The following CSGALNACT1 variants were observed in gnomAD, a reference collection of about 807,000 sequenced individuals.
The protein encoded by CSGALNACT1 is chondroitin sulfate N-acetylgalactosaminyltransferase 1.
CSGALNACT1 carries 52 observed loss-of-function variants against 51.0 expected under a neutral mutation model. The observed-to-expected ratio is 1.02, with a 90% CI of 0.82 to 1.29. CSGALNACT1 has a LOEUF of 1.29. CSGALNACT1 is among the 50% of genes most tolerant of loss of function. The pLI, the probability that CSGALNACT1 is intolerant of heterozygous loss-of-function variation, is 0.00. For missense variants in CSGALNACT1, 935 were observed against 679.2 expected (o/e 1.38, Z -4.19); for synonymous variants, 341 against 254.4 (o/e 1.34, Z -3.24).
chr8:19,483,139 G>T (rs1295233769), intron 4 of CSGALNACT1, among the ~76,000 whole-genome samples: 1 of 152,186 alleles, frequency 6.6e-6, no homozygotes, highest in Non-Finnish European at 1.5e-5. Context: ...TACCACAAAT[G>T]AAGCTGGTAA....
At chr8:19,507,533 A>G (rs960714530) in intron 3 of CSGALNACT1, among the ~76,000 whole-genome samples, 7 of 134,464 alleles carry the variant, frequency 5.2e-5, no homozygotes, top group Admixed American at 1.4e-4. Flanking sequence ...AGCCAGAAAA[A>G]AAAAAAAAAA....
intron 1 of CSGALNACT1, among the ~76,000 whole-genome samples, chr8:19,641,126 G>A (rs2056688683): frequency 1.6e-5 from 2 of 126,018 alleles, no homozygotes; most frequent in Admixed American, 8.5e-5. Flanking sequence ...ATGGTGACTG[G>A]TCTTTTTTTT....
At chr8:19,703,580 G>A (rs995066105) in intron 1 of CSGALNACT1, among the ~76,000 whole-genome samples, 1 of 152,176 alleles carries the variant, frequency 6.6e-6, no homozygotes, top group Non-Finnish European at 1.5e-5. Context: ...TGGGATTACC[G>A]GTGGGTGTGA....
At chr8:19,735,690 T>C (rs1198424761) in intron 1 of CSGALNACT1, among the ~76,000 whole-genome samples, 1 of 152,190 alleles carries the variant, frequency 6.6e-6, no homozygotes, top group East Asian at 1.9e-4. Flanking sequence ...ACAGAAGATC[T>C]GACCCTTATT....
At chr8:19,517,511 G>A (rs1436520997) in intron 3 of CSGALNACT1, among the ~76,000 whole-genome samples, 1 of 152,146 alleles carries the variant, frequency 6.6e-6, no homozygotes, top group African/African-American at 2.4e-5. Flanking sequence ...AGGCTCTCCT[G>A]CAAAACACTG....
upstream of CSGALNACT1, among the ~76,000 whole-genome samples, chr8:19,604,785 G>C (rs1014076967): frequency 6.6e-6 from 1 of 151,348 alleles, no homozygotes; most frequent in African/African-American, 2.4e-5. Flanking sequence ...CACGATGGCA[G>C]GTGCCTGTAG....
intron 1 of CSGALNACT1, among the ~76,000 whole-genome samples, chr8:19,655,959 G>A (rs1189186446): frequency 6.6e-6 from 1 of 152,086 alleles, no homozygotes; most frequent in Non-Finnish European, 1.5e-5. Flanking sequence ...AGAATTGGGG[G>A]ATTCACGGGT....
At chr8:19,652,827 G>A (rs761172658) in intron 1 of CSGALNACT1, among the ~76,000 whole-genome samples, 22 of 152,046 alleles carry the variant, frequency 1.4e-4, no homozygotes, top group Admixed American at 7.2e-4. Context: ...CCGCAGCAAC[G>A]GAAACTACTG....
intron 2 of CSGALNACT1, among the ~76,000 whole-genome samples, chr8:19,599,850 G>A (rs190922155): frequency 1.3e-5 from 2 of 152,296 alleles, no homozygotes; most frequent in East Asian, 1.9e-4. Flanking sequence ...ACATTGAGAA[G>A]ACAGCAAATG....
chr8:19,545,059 A>G (rs2086149706), intron 3 of CSGALNACT1, among the ~76,000 whole-genome samples: 1 of 152,040 alleles, frequency 6.6e-6, no homozygotes, highest in Admixed American at 6.6e-5. Flanking sequence ...ACGACGACAC[A>G]GCGACTCCTG....
intron 1 of CSGALNACT1, among the ~76,000 whole-genome samples, chr8:19,650,710 A>C (rs1245461822): frequency 6.6e-6 from 1 of 152,210 alleles, no homozygotes; most frequent in Non-Finnish European, 1.5e-5. Flanking sequence ...ACGCTTAAGC[A>C]CTGAGGAAAT....
chr8:19,415,244 TCTC>T (rs1204869002), intron 8 of CSGALNACT1, among the ~76,000 whole-genome samples: 1 of 152,142 alleles, frequency 6.6e-6, no homozygotes, highest in Non-Finnish European at 1.5e-5. Flanking sequence ...TCTTCTGACT[TCTC>T]CTCTCGCACC....
intron 1 of CSGALNACT1, among the ~76,000 whole-genome samples, chr8:19,660,546 G>A (rs1333445282): frequency 1.3e-5 from 2 of 152,100 alleles, no homozygotes; most frequent in Non-Finnish European, 2.9e-5. Context: ...GGTGATTTGG[G>A]GGTAACTGTA....
intron 3 of CSGALNACT1, among the ~76,000 whole-genome samples, chr8:19,525,087 A>G (rs966579552): frequency 1.4e-4 from 22 of 152,210 alleles, no homozygotes; most frequent in Non-Finnish European, 2.9e-4. Context: ...GCAATTCAGA[A>G]AAGCAAGCAT....
At chr8:19,545,392 T>C (rs1214975235) in intron 3 of CSGALNACT1, among the ~76,000 whole-genome samples, 1 of 152,104 alleles carries the variant, frequency 6.6e-6, no homozygotes, top group Admixed American at 6.6e-5. Flanking sequence ...ATGGGGAAAA[T>C]TTTCCTGCAG....
chr8:19,493,871 T>TACACACACACAC (rs57708862), intron 4 of CSGALNACT1, among the ~76,000 whole-genome samples: 1 of 149,002 alleles, frequency 6.7e-6, no homozygotes, highest in African/African-American at 2.5e-5. Context: ...TGTGTGTTTA[T>TACACACACACAC]ACACACACAC....
At chr8:19,443,570 G>C (rs1412581455) in intron 5 of CSGALNACT1, among the ~76,000 whole-genome samples, 1 of 152,176 alleles carries the variant, frequency 6.6e-6, no homozygotes, top group Non-Finnish European at 1.5e-5. Flanking sequence ...GAGAGCTTGT[G>C]CAGGGGGATT....
Position 19,653,797 on chromosome 8 carries a change from TA to T in CSGALNACT1, c.-544+28675del, listed in dbSNP as rs111466105. Among the ~76,000 whole-genome samples the T allele has an allele frequency of 7.1e-3, 1,051 of 147,676 alleles. 9 individuals are homozygous for T. The highest frequency in any genetic ancestry group is 0.021 in the African/African-American group (835 of 40,140). On this transcript the variant is annotated intron_variant, in intron 1 of 9. Coordinates refer to the CSGALNACT1 transcript ENST00000332246. Reference sequence around the variant, plus strand: ...TGGGTGAATGAATGATACCTTGTCTTAAAAAAAAAAAAAATCTTCAGCTGTA... The same window carrying T: ...TGGGTGAATGAATGATACCTTGTCTTAAAAAAAAAAAAATCTTCAGCTGTA...
At chr8:19,430,646 TTTTG>T (rs2059515618) in intron 6 of CSGALNACT1, among the ~76,000 whole-genome samples, 1 of 152,144 alleles carries the variant, frequency 6.6e-6, no homozygotes, top group South Asian at 2.1e-4. Flanking sequence ...AGTCCTCCAA[TTTTG>T]TTCTGTTAAG....
Sources: gnomAD v4.1 joint callset for allele counts (sites outside exome capture counted in the v4.1 genomes callset) on GRCh38, gnomAD v4.1.1 for gene constraint, MANE v1.5 for transcripts, NCBI Gene and HGNC (gene_info 2026-07-23, HGNC 2026-07-21) for gene names.